PTPRG: variants seen among roughly 807,000 people sequenced by gnomAD.
PTPRG encodes the protein protein tyrosine phosphatase receptor type G.
A neutral mutation model predicts 165.3 loss-of-function variants in PTPRG; 102 were observed. The observed-to-expected ratio is 0.62, with a 90% CI of 0.53 to 0.73. PTPRG has a LOEUF of 0.73. PTPRG is among the 30% of genes least tolerant of loss of function. PTPRG has a pLI of 0.00. For synonymous variants in PTPRG, 675 were observed against 669.5 expected (o/e 1.01, Z -0.13); for missense variants, 1,866 against 1,861.4 (o/e 1.00, Z -0.05).
At chr3:61,778,333 T>A (rs1456920989) in intron 2 of PTPRG, among the ~76,000 whole-genome samples, 1 of 152,042 alleles carries the variant, frequency 6.6e-6, no homozygotes, top group African/African-American at 2.4e-5. Context: ...GCCATGTAAA[T>A]GAAGTAGTGG....
chr3:62,263,150 C>T lies in PTPRG; in HGVS notation c.2656+256C>T, dbSNP rs77250429. 676 of 371,068 alleles carry T rather than the reference C, an allele frequency of 1.8e-3. 11 individuals are homozygous for T. The East Asian group carries it at 0.034, about 18-fold the overall frequency. 23.0% of individuals were successfully genotyped at this position (371,068 alleles called of 1,614,324 possible). ...AATGTTTGGAGCTTCGCTATTTTCA[C>T]ATGAAGTGATGTCATATCACATGTT... On this transcript the variant is annotated intron_variant, in intron 17 of 29. Coordinates refer to ENST00000474889, the MANE Select transcript of PTPRG (RefSeq NM_002841.4).
At position 62,203,727 on chromosome 3, in the gene PTPRG, T is replaced by C. The variant is rs1700153013; in HGVS notation, c.1932T>C (p.His644=). Reference sequence around the variant, plus strand: ...GAGGGCATCAGACTATACCTGGGCATGAGCAGGATCACACTGCCGTCCCCA... The same window carrying C: ...GAGGGCATCAGACTATACCTGGGCACGAGCAGGATCACACTGCCGTCCCCA... ...AEGGHQTIPG[H]EQDHTAVPTD... is the part of the protein sequence containing the mutation. The change falls in exon 12 of 30, where the codon CAT becomes CAC. Residue 644 remains histidine, a synonymous_variant. Transcript: ENST00000474889. The surrounding 1 kb of genome is among the most constrained non-coding windows in gnomAD (Gnocchi z 6.4). 1 of 1,593,660 alleles carries C rather than the reference T, an allele frequency of 6.3e-7. No homozygotes were observed. The highest frequency in any genetic ancestry group is 8.6e-7 in the Non-Finnish European group (1 of 1,169,554).
intron 2 of PTPRG, among the ~76,000 whole-genome samples, chr3:61,752,785 C>CAAAAAAAAAAAAAAAAAA (rs749817659): frequency 8.6e-5 from 6 of 69,974 alleles, no homozygotes; most frequent in Admixed American, 2.2e-4. Flanking sequence ...AAGACTGTCT[C>CAAAAAAAAAAAAAAAAAA]AAAAAAAAAA....
chr3:61,952,764 T>C, intron 2 of PTPRG, among the ~76,000 whole-genome samples: 1 of 151,300 alleles, frequency 6.6e-6, no homozygotes, highest in Non-Finnish European at 1.5e-5. Flanking sequence ...TCTGTCTTCC[T>C]CCGTCTACAA....
At position 61,562,323 on chromosome 3, in the gene PTPRG, G is replaced by A. The variant is rs770192844; in HGVS notation, c.36G>A (p.Leu12=). Residue 12 remains leucine, a synonymous_variant, in exon 1 of 30, where the codon TTG becomes TTA. Transcript: ENST00000474889. ...TACTGGAACCGTGTTGGTGGATTTTGTTCCTGAAAATCACCAGTTCCGTGC... is the reference window on the plus strand; with the variant it reads ...TACTGGAACCGTGTTGGTGGATTTTATTCCTGAAAATCACCAGTTCCGTGC... The part of the protein sequence containing the change: ...RRLLEPCWWI[L]FLKITSSVLH... 9 of 1,613,604 alleles carry A rather than the reference G, an allele frequency of 5.6e-6. No individual in the cohort carries two copies. In the East Asian group the frequency reaches 1.3e-4, roughly 24 times the overall value.
intron 2 of PTPRG, among the ~76,000 whole-genome samples, chr3:61,969,495 C>CT (rs1399624022): frequency 1.5e-4 from 23 of 152,106 alleles, no homozygotes; most frequent in Admixed American, 1.5e-3. Context: ...ACACATTATC[C>CT]TTTTCAGCAA....
intron 28 of PTPRG, among the ~76,000 whole-genome samples, chr3:62,286,338 T>C (rs920301670): frequency 6.6e-6 from 1 of 152,166 alleles, no homozygotes; most frequent in Non-Finnish European, 1.5e-5. Context: ...ATTTTTTTGT[T>C]TTCCTTTCTG....
intron 2 of PTPRG, among the ~76,000 whole-genome samples, chr3:61,885,675 T>TCCCCTCC (rs2038012043): frequency 3.6e-4 from 1 of 2,788 alleles, no homozygotes; most frequent in Non-Finnish European, 1.1e-3. Flanking sequence ...TCCTCTCCTC[T>TCCCCTCC]CCTCTCCTCT....
intron 1 of PTPRG, among the ~76,000 whole-genome samples, chr3:61,695,865 A>T (rs2030555694): frequency 6.6e-6 from 1 of 152,220 alleles, no homozygotes; most frequent in Non-Finnish European, 1.5e-5. Flanking sequence ...AGATTAAAAC[A>T]CTACTGTATA....
chr3:62,000,881 C>T (rs1379430980), intron 3 of PTPRG, among the ~76,000 whole-genome samples: 1 of 152,144 alleles, frequency 6.6e-6, no homozygotes, highest in East Asian at 1.9e-4. Context: ...CATCTGCTTT[C>T]CCAGTGTGAT....
At chr3:62,018,477 CA>C (rs2041604885) in intron 4 of PTPRG, among the ~76,000 whole-genome samples, 1 of 152,268 alleles carries the variant, frequency 6.6e-6, no homozygotes, top group South Asian at 2.1e-4. Context: ...TTGTAGGCTT[CA>C]GGGGTGTCAC....
chr3:61,779,383 G>C (rs1007453261), intron 2 of PTPRG, among the ~76,000 whole-genome samples: 3 of 152,218 alleles, frequency 2.0e-5, no homozygotes, highest in African/African-American at 7.2e-5. Flanking sequence ...GGCTGGAAGA[G>C]TGTGATTGCT....
At chr3:61,886,159 T>C (rs2038030880) in intron 2 of PTPRG, among the ~76,000 whole-genome samples, 1 of 152,154 alleles carries the variant, frequency 6.6e-6, no homozygotes, top group Non-Finnish European at 1.5e-5. Context: ...TCGCTATTCC[T>C]GCTCGATCCT....
At chr3:62,185,627 G>A (rs1705848018) in intron 8 of PTPRG, among the ~76,000 whole-genome samples, 1 of 152,188 alleles carries the variant, frequency 6.6e-6, no homozygotes, top group South Asian at 2.1e-4. Flanking sequence ...CCCATCTAAA[G>A]GAAATGGTTG....
At chr3:61,697,510 A>G (rs907521400) in intron 1 of PTPRG, among the ~76,000 whole-genome samples, 35 of 152,196 alleles carry the variant, frequency 2.3e-4, no homozygotes, top group African/African-American at 8.2e-4. Context: ...AAAAGACTAA[A>G]AGTAGTCACC....
chr3:62,163,242 C>CATA (rs1704838245), intron 7 of PTPRG, among the ~76,000 whole-genome samples: 1 of 151,880 alleles, frequency 6.6e-6, no homozygotes, highest in Admixed American at 6.6e-5. Context: ...CAAACTATAT[C>CATA]AGTGACCTTG....
At chr3:61,901,417 C>T (rs2038495539) in intron 2 of PTPRG, among the ~76,000 whole-genome samples, 1 of 152,184 alleles carries the variant, frequency 6.6e-6, no homozygotes, top group Non-Finnish European at 1.5e-5. Context: ...TTTCTATTGA[C>T]TGCTGATGCT....
At chr3:61,673,647 G>C (rs1257333402) in intron 1 of PTPRG, among the ~76,000 whole-genome samples, 4 of 152,134 alleles carry the variant, frequency 2.6e-5, no homozygotes, top group African/African-American at 7.2e-5. Context: ...TGTGTTACAT[G>C]CATAGATTAT....
intron 2 of PTPRG, among the ~76,000 whole-genome samples, chr3:61,829,154 C>G (rs564641898): frequency 6.6e-6 from 1 of 152,300 alleles, no homozygotes; most frequent in Admixed American, 6.5e-5. Flanking sequence ...TTTGTTCCGA[C>G]TCATGCATCC....
Sources: allele counts gnomAD v4.1 joint callset (sites outside exome capture counted in the v4.1 genomes callset), GRCh38; gene constraint gnomAD v4.1.1; non-coding constraint Gnocchi (gnomAD v3.1); transcripts MANE v1.5; gene names NCBI Gene and HGNC (gene_info 2026-07-23, HGNC 2026-07-21).